The following ZBTB47 variants were observed in gnomAD, a reference collection of about 807,000 sequenced individuals.
ZBTB47 encodes the protein zinc finger and BTB domain-containing protein 47.
Under a neutral mutation model 56.6 loss-of-function variants are expected in ZBTB47, and 24 were observed. The observed-to-expected ratio is 0.42, with a 90% CI of 0.31 to 0.60. ZBTB47 has a LOEUF of 0.60. Among genes scored for constraint, ZBTB47 ranks in the 20% least tolerant of loss-of-function variants. ZBTB47 has a pLI of 0.14. For missense variants in ZBTB47, 829 were observed against 1,032.6 expected, an observed-to-expected ratio of 0.80 and a Z score of 2.70; for synonymous variants, 414 against 418.9, an observed-to-expected ratio of 0.99 and a Z score of 0.14.
chr3:42,658,385 C>G lies in ZBTB47; in HGVS notation c.30C>G (p.Phe10Leu). The change falls in exon 2 of 6, where the codon TTC (phenylalanine) becomes TTG (leucine). Residue 10 changes from phenylalanine (F) to leucine (L), a missense_variant. Physicochemically the swap from Phe to Leu is conservative, Grantham distance 22 (BLOSUM62 0). Transcript: ENST00000232974. ...GCCGCCTGAACGAGCAGCGCCTCTT[C>G]CAGCCTGACCTCTGCGACGTGGACT... MGRLNEQRLFQPDLCDVDLV... is the reference protein window; with the variant it reads MGRLNEQRLLQPDLCDVDLV... 6.5e-7 allele frequency: 1 copy of G among 1,536,674 alleles called. No individual in the cohort carries two copies. Among genetic ancestry groups the G allele is most frequent in the Non-Finnish European group, 8.7e-7 (1 of 1,146,758 alleles).
upstream of ZBTB47, chr3:42,653,665 C>T (rs996554916): frequency 2.6e-5 from 4 of 152,456 alleles, no homozygotes; most frequent in African/African-American, 9.6e-5. Context: ...AGCCTGGCTG[C>T]ATCTCCCCAG....
intron 5 of ZBTB47, 123 bp from the exon 6 acceptor site, chr3:42,664,114 C>T (rs1710753972): frequency 6.8e-7 from 1 of 1,480,468 alleles, no homozygotes; most frequent in Non-Finnish European, 9.0e-7. Flanking sequence ...GCCCCAGGGT[C>T]GGGGAGGATC....
chr3:42,656,279 G>A lies in ZBTB47; in HGVS notation c.-81-1996G>A, dbSNP rs745506495. 7.2e-5 allele frequency among the ~76,000 whole-genome samples: 11 copies of A among 152,290 alleles called. No homozygotes were observed. The highest frequency in any genetic ancestry group is 2.1e-4 in the South Asian group (1 of 4,824). On this transcript the variant is annotated intron_variant, in intron 1 of 5. Transcript: ENST00000232974. The surrounding 1 kb of genome is among the most constrained non-coding windows in gnomAD (Gnocchi z 5.8). ...GGTCTCCAGGTGGCGGGATGTTCTC[G>A]CTTTTTAAGTCATTAAAGGCTCAGA...
chr3:42,654,822 C>A lies in ZBTB47; in HGVS notation c.-82+939C>A, dbSNP rs1472480647. On this transcript the variant is annotated intron_variant, in intron 1 of 5. Transcript: ENST00000232974. This position sits in a 1 kb window ranked among gnomAD's most constrained non-coding sequence, Gnocchi z 5.0. Reference sequence around the variant, plus strand: ...CTTCCCCCCTCCCCCGGTCTCCCGGCTCCATCTGCTGGGTCCCGCGGGCCG... The same window carrying A: ...CTTCCCCCCTCCCCCGGTCTCCCGGATCCATCTGCTGGGTCCCGCGGGCCG... 1.9e-6 allele frequency: 1 copy of A among 517,506 alleles called. No homozygotes were observed. Among genetic ancestry groups the A allele is most frequent in the Non-Finnish European group, 2.5e-6 (1 of 402,014 alleles). 32.1% of individuals were successfully genotyped at this position (517,506 alleles called of 1,614,324 possible). A position where few individuals can be genotyped will look rare whatever the true frequency, so the allele number is the denominator to read the frequency against.
Position 42,658,570 on chromosome 3 carries a change from A to T in ZBTB47, c.215A>T (p.Asn72Ile). The stretch of plus-strand genomic sequence containing the variant: ...CCTGGTGGCCTGCAGCAGATCCTCA[A>T]CTTCATCTATACGTCCAAGCTGCTG... ...LAPGGLQQILNFIYTSKLLVN... is the reference protein window; with the variant it reads ...LAPGGLQQILIFIYTSKLLVN... Residue 72 changes from asparagine (N) to isoleucine (I), a missense_variant, in exon 2 of 6, where the codon AAC becomes ATC. Physicochemically the swap from Asn to Ile is moderately radical, Grantham distance 149. This residue lies in a region of ZBTB47 where 120 missense variants were observed against 200.2 expected (regional missense o/e 0.60). Transcript: ENST00000232974. The T allele has an allele frequency of 6.5e-7, 1 of 1,537,116 alleles. No individual in the cohort carries two copies. The highest frequency in any genetic ancestry group is 8.7e-7 in the Non-Finnish European group (1 of 1,146,924).
In ZBTB47 at chr3:42,654,890, A is replaced by G. The variant is rs1158004328; in HGVS notation, c.-82+1007A>G. 1.3e-5 allele frequency among the ~76,000 whole-genome samples: 2 copies of G among 151,068 alleles called. No individual in the cohort carries two copies. Among genetic ancestry groups the G allele is most frequent in the Admixed American group, 1.3e-4 (2 of 15,230 alleles). On this transcript the variant is annotated intron_variant, in intron 1 of 5. Transcript: ENST00000232974. The surrounding 1 kb of genome is among the most constrained non-coding windows in gnomAD (Gnocchi z 5.0). ...CGCTGCTCTCGGTGGGGAGGGGGTT[A>G]AATTCCTGTGGTGGGGGCGCCGGCG...
chr3:42,660,558 A>G (rs1710701216), intron 2 of ZBTB47, among the ~76,000 whole-genome samples: 1 of 152,220 alleles, frequency 6.6e-6, no homozygotes, highest in Non-Finnish European at 1.5e-5. Flanking sequence ...GGGGTGGCAC[A>G]GGGCCAGCCA....
chr3:42,666,080 A>G lies in ZBTB47; in HGVS notation c.*1482A>G, dbSNP rs1348484088. Among the ~76,000 whole-genome samples the G allele has an allele frequency of 2.0e-5, 3 of 152,170 alleles. No homozygotes were observed. Among genetic ancestry groups the G allele is most frequent in the Admixed American group, 2.0e-4 (3 of 15,282 alleles). On this transcript the variant is annotated 3_prime_UTR_variant, in exon 6 of 6. Transcript: ENST00000232974. ...AGGGGGACTGAACCCCTCTGACCTTATGAGGCCCATGGCACTGGGGCAGGG... is the reference window on the plus strand; with the variant it reads ...AGGGGGACTGAACCCCTCTGACCTTGTGAGGCCCATGGCACTGGGGCAGGG...
intron 1 of ZBTB47, among the ~76,000 whole-genome samples, chr3:42,655,752 G>C (rs79623278): frequency 0.02 from 3,039 of 152,330 alleles, 44 homozygotes; most frequent in Non-Finnish European, 0.032. Flanking sequence ...TTGTGGACTC[G>C]GGCAGCATCT....
intron 1 of ZBTB47, among the ~76,000 whole-genome samples, chr3:42,655,188 G>A (rs1036534755): frequency 6.6e-6 from 1 of 152,174 alleles, no homozygotes; most frequent in African/African-American, 2.4e-5. Context: ...GGAAAGAGGG[G>A]AGGTAAGTGC....
At chr3:42,662,393 G>T (rs2125838394) in intron 3 of ZBTB47, among the ~76,000 whole-genome samples, 1 of 152,334 alleles carries the variant, frequency 6.6e-6, no homozygotes, top group South Asian at 2.1e-4. Flanking sequence ...GGAGCATGCT[G>T]GGTAAACCAG....
intron 1 of ZBTB47, among the ~76,000 whole-genome samples, chr3:42,657,618 A>T (rs1379349734): frequency 1.3e-5 from 2 of 152,168 alleles, no homozygotes; most frequent in Non-Finnish European, 2.9e-5. Context: ...ATTTCTTCAC[A>T]GGTTTCAACT....
chr3:42,655,442 T>C (rs1050410934), intron 1 of ZBTB47, among the ~76,000 whole-genome samples: 2 of 152,122 alleles, frequency 1.3e-5, no homozygotes, highest in Non-Finnish European at 2.9e-5. Flanking sequence ...TGTAGAAGGC[T>C]CTGACTTGGG....
At position 42,663,103 on chromosome 3, in the gene ZBTB47, A is replaced by C. The variant is rs1168294797; in HGVS notation, c.1713A>C (p.Ser571=). ...TCAAGGTGCACTCACTGCAGCACTCAGGGGAGAAGCCGTTCAGATGTGAGG... is the reference window on the plus strand; with the variant it reads ...TCAAGGTGCACTCACTGCAGCACTCCGGGGAGAAGCCGTTCAGATGTGAGG... ...MSLKVHSLQH[S]GEKPFRCENC... is the part of the protein sequence containing the mutation. The change falls in exon 4 of 6, where the codon TCA becomes TCC. Residue 571 remains serine, a synonymous_variant. Transcript: ENST00000232974. The surrounding 1 kb of genome is among the most constrained non-coding windows in gnomAD (Gnocchi z 5.1). The C allele has an allele frequency of 6.2e-7, 1 of 1,613,790 alleles. No individual in the cohort carries two copies. The highest frequency in any genetic ancestry group is 2.2e-5 in the East Asian group (1 of 44,880).
At position 42,654,786 on chromosome 3, in the gene ZBTB47, G is replaced by A. The variant is rs1310547671; in HGVS notation, c.-82+903G>A. On this transcript the variant is annotated intron_variant, in intron 1 of 5. Coordinates refer to ENST00000232974, the MANE Select transcript of ZBTB47 (RefSeq NM_145166.4). This position sits in a 1 kb window ranked among gnomAD's most constrained non-coding sequence, Gnocchi z 5.0. ...ACGGCCCGCGGGCCCGGGTGGAGGG[G>A]CTGGAGGGATCTTCCCCCCTCCCCC... is the stretch of plus-strand genomic sequence containing the variant. 1.2e-6 allele frequency: 1 copy of A among 855,490 alleles called. No individual in the cohort carries two copies. Among genetic ancestry groups the A allele is most frequent in the African/African-American group, 1.8e-5 (1 of 54,768 alleles). 53.0% of individuals were successfully genotyped at this position (855,490 alleles called of 1,614,324 possible). A position where few individuals can be genotyped will look rare whatever the true frequency, so the allele number is the denominator to read the frequency against.
Position 42,663,146 on chromosome 3 carries a change from C to G in ZBTB47, c.1737+19C>G. On this transcript the variant is annotated intron_variant, in intron 4 of 5. Coordinates refer to ENST00000232974, the MANE Select transcript of ZBTB47 (RefSeq NM_145166.4). This position sits in a 1 kb window ranked among gnomAD's most constrained non-coding sequence, Gnocchi z 5.1. ...ATGTGAGGTGAGCTTCCATCTCCTG[C>G]CTGGCCTGCCCGAGGGGTCACCTGG... is the stretch of plus-strand genomic sequence containing the variant. The G allele has an allele frequency of 6.3e-7, 1 of 1,584,336 alleles. No homozygotes were observed. Among genetic ancestry groups the G allele is most frequent in the African/African-American group, 1.3e-5 (1 of 74,386 alleles).
At position 42,658,989 on chromosome 3, in the gene ZBTB47, G is replaced by C; in HGVS notation, c.634G>C (p.Gly212Arg). The part of the protein sequence containing the change: ...GPPASLCKLE[G>R]GEELEEELGG... The stretch of plus-strand genomic sequence containing the variant: ...CCCAGCCAGCTTGTGCAAGCTGGAG[G>C]GTGGAGAAGAGTTGGAGGAAGAGCT... Residue 212 changes from glycine to arginine, a missense_variant, in exon 2 of 6, where the codon GGT becomes CGT. Around this residue, in one of 6 missense-constraint regions of ZBTB47, gnomAD observed 359 missense variants for 359.8 expected, o/e 1.00. Coordinates refer to ENST00000232974, the MANE Select transcript of ZBTB47 (RefSeq NM_145166.4). 6.6e-7 allele frequency: 1 copy of C among 1,526,266 alleles called. No homozygotes were observed. The highest frequency in any genetic ancestry group is 8.8e-7 in the Non-Finnish European group (1 of 1,142,242). 94.5% of individuals were successfully genotyped at this position (1,526,266 alleles called of 1,614,324 possible).
chr3:42,664,455 C>A lies in ZBTB47; in HGVS notation c.2101C>A (p.Pro701Thr), dbSNP rs1445345063. 3.9e-6 allele frequency: 6 copies of A among 1,523,552 alleles called. No homozygotes were observed. Among genetic ancestry groups the A allele is most frequent in the Non-Finnish European group, 5.3e-6 (6 of 1,138,690 alleles). The allele number at this position is 1,523,552 out of a possible 1,614,324, so 94.4% of individuals were successfully genotyped here. A position where few individuals can be genotyped will look rare whatever the true frequency, so the allele number is the denominator to read the frequency against. ...CGGCGTCCCCGCTGCCCCAGGCCTGCCCCCAACCCAGCCCCAGGCGCACGC... is the reference window on the plus strand; with the variant it reads ...CGGCGTCCCCGCTGCCCCAGGCCTGACCCCAACCCAGCCCCAGGCGCACGC... Reference protein sequence around the residue: ...GDGVPAAPGLPPTQPQAHALP... With the variant: ...GDGVPAAPGLTPTQPQAHALP... Residue 701 changes from proline (P) to threonine (T), a missense_variant, in exon 6 of 6, where the codon CCC becomes ACC. Pro to Thr is a conservative substitution (Grantham distance 38). Coordinates refer to ENST00000232974, the MANE Select transcript of ZBTB47 (RefSeq NM_145166.4).
rs967001558 is a variant in ZBTB47 at position 42,654,319 on chromosome 3, G to A, written c.-82+436G>A. The A allele has an allele frequency of 1.3e-5, 2 of 151,684 alleles. No homozygotes were observed. The highest frequency in any genetic ancestry group is 3.0e-5 in the Non-Finnish European group (2 of 67,726). 9.4% of individuals were successfully genotyped at this position (151,684 alleles called of 1,614,324 possible). A position where few individuals can be genotyped will look rare whatever the true frequency, so the allele number is the denominator to read the frequency against. ...GGCTGGGGGCTGGAGCTGGGGCTGG[G>A]GGTGGAGGGCAGCCTGCGGCAGGGC... On this transcript the variant is annotated intron_variant, in intron 1 of 5. Coordinates refer to ENST00000232974, the MANE Select transcript of ZBTB47 (RefSeq NM_145166.4). The surrounding 1 kb of genome is among the most constrained non-coding windows in gnomAD (Gnocchi z 5.0).
Sources: allele counts gnomAD v4.1 joint callset (sites outside exome capture counted in the v4.1 genomes callset), GRCh38; gene constraint gnomAD v4.1.1; regional missense constraint gnomAD v4.1.1; non-coding constraint Gnocchi (gnomAD v3.1); transcripts MANE v1.5; gene names NCBI Gene and HGNC (gene_info 2026-07-23, HGNC 2026-07-21).